LRMDA: variants seen among roughly 807,000 people sequenced by gnomAD.
The protein encoded by LRMDA is leucine rich melanocyte differentiation associated.
LRMDA carries 18 observed loss-of-function variants against 29.8 expected under a neutral mutation model. The ratio of observed to expected loss-of-function variants is 0.60; its 90% CI spans 0.42 to 0.90. The LOEUF (loss-of-function observed/expected upper bound fraction) is 0.90, where lower values mean the gene tolerates loss of function less well. Among genes scored for constraint, LRMDA ranks in the 40% least tolerant of loss-of-function variants. The pLI is 0.00. For missense variants in LRMDA, 273 were observed against 273.9 expected (o/e 1.00, Z 0.02); for synonymous variants, 125 against 109.4 (o/e 1.14, Z -0.89).
chr10:76,038,184 G>A (rs1374705482), intron 3 of LRMDA, among the ~76,000 whole-genome samples: 2 of 152,204 alleles, frequency 1.3e-5, no homozygotes, highest in Non-Finnish European at 2.9e-5. Flanking sequence ...ATATTTAGCG[G>A]TGTGACCTTG....
intron 6 of LRMDA, among the ~76,000 whole-genome samples, chr10:76,352,824 G>A (rs1280016852): frequency 1.3e-5 from 2 of 152,046 alleles, no homozygotes; most frequent in East Asian, 1.9e-4. Flanking sequence ...CAGGGACAGG[G>A]GAGGTGGAAG....
At chr10:76,352,389 T>C (rs1338182132) in intron 6 of LRMDA, among the ~76,000 whole-genome samples, 1 of 152,004 alleles carries the variant, frequency 6.6e-6, no homozygotes, top group Non-Finnish European at 1.5e-5. Context: ...TTAAGTAAAA[T>C]AGGGTTACTT....
At chr10:76,268,901 C>T (rs1840036214) in intron 5 of LRMDA, among the ~76,000 whole-genome samples, 2 of 152,090 alleles carry the variant, frequency 1.3e-5, no homozygotes, top group African/African-American at 4.8e-5. Flanking sequence ...GGTTTCATTG[C>T]CAGCCACAGC....
intron 2 of LRMDA, among the ~76,000 whole-genome samples, chr10:75,503,796 G>T (rs1279449371): frequency 6.6e-6 from 1 of 151,978 alleles, no homozygotes; most frequent in Non-Finnish European, 1.5e-5. Context: ...GTCTTTATGG[G>T]GGAAGAACCT....
chr10:75,980,123 G>GT (rs754154115), intron 2 of LRMDA, among the ~76,000 whole-genome samples: 3 of 152,172 alleles, frequency 2.0e-5, no homozygotes, highest in Admixed American at 1.3e-4. Context: ...TGGACTTGAG[G>GT]TCTTCACTCA....
chr10:75,520,703 C>A (rs770208950), intron 2 of LRMDA, among the ~76,000 whole-genome samples: 3 of 152,212 alleles, frequency 2.0e-5, no homozygotes. Context: ...AAGTCATTCT[C>A]CGTCCTGCTT....
chr10:76,523,480 G>C (rs115329909), intron 6 of LRMDA, among the ~76,000 whole-genome samples: 1 of 152,130 alleles, frequency 6.6e-6, no homozygotes, highest in South Asian at 2.1e-4. Context: ...TGGAGAGAGA[G>C]TTGGTTCAAA....
At chr10:76,463,143 T>G (rs898686458) in intron 6 of LRMDA, among the ~76,000 whole-genome samples, 3 of 152,150 alleles carry the variant, frequency 2.0e-5, no homozygotes, top group Non-Finnish European at 4.4e-5. Context: ...CTGCCCTTCT[T>G]TGATCAGCAC....
intron 2 of LRMDA, among the ~76,000 whole-genome samples, chr10:75,981,225 C>A (rs1364888819): frequency 2.0e-5 from 3 of 152,098 alleles, no homozygotes; most frequent in African/African-American, 7.2e-5. Flanking sequence ...TGCTGGTTTG[C>A]TTTTTAGACA....
chr10:75,973,977 C>T (rs937308270), intron 2 of LRMDA, among the ~76,000 whole-genome samples: 29 of 152,168 alleles, frequency 1.9e-4, no homozygotes, highest in African/African-American at 7.0e-4. Context: ...ACCTATTGGT[C>T]TGAGCTCTCC....
intron 5 of LRMDA, among the ~76,000 whole-genome samples, chr10:76,095,422 G>A (rs1849297887): frequency 6.6e-6 from 1 of 152,208 alleles, no homozygotes; most frequent in Admixed American, 6.5e-5. Context: ...TATGAATAAA[G>A]CTGCTATTAA....
intron 2 of LRMDA, among the ~76,000 whole-genome samples, chr10:75,992,184 C>T (rs894524558): frequency 1.1e-4 from 17 of 152,088 alleles, no homozygotes; most frequent in Non-Finnish European, 2.4e-4. Flanking sequence ...CACAAGCTAG[C>T]AAGTCTCAAA....
At chr10:75,607,823 G>GT (rs1840974658) in intron 2 of LRMDA, among the ~76,000 whole-genome samples, 3 of 125,578 alleles carry the variant, frequency 2.4e-5, no homozygotes, top group African/African-American at 9.7e-5. Flanking sequence ...TTGATTCAGT[G>GT]GTTTTTTTTT....
chr10:76,165,869 CACAA>C (rs1252296626), intron 5 of LRMDA, among the ~76,000 whole-genome samples: 4 of 152,252 alleles, frequency 2.6e-5, no homozygotes, highest in African/African-American at 7.2e-5. Flanking sequence ...TGGGTGGGAA[CACAA>C]ACAAACCATA....
At chr10:75,984,909 G>A (rs1847237850) in intron 2 of LRMDA, among the ~76,000 whole-genome samples, 1 of 152,224 alleles carries the variant, frequency 6.6e-6, no homozygotes, top group African/African-American at 2.4e-5. Flanking sequence ...AAGTGTCCAA[G>A]TCCAAGGCCT....
chr10:76,057,482 A>G (rs1042778198), intron 4 of LRMDA, among the ~76,000 whole-genome samples: 2 of 152,232 alleles, frequency 1.3e-5, no homozygotes, highest in African/African-American at 4.8e-5. Flanking sequence ...CAAGAAGCTT[A>G]CAGTTTGGGT....
intron 2 of LRMDA, among the ~76,000 whole-genome samples, chr10:75,983,262 A>G (rs546070474): frequency 2.0e-5 from 3 of 152,374 alleles, no homozygotes; most frequent in Admixed American, 6.5e-5. Context: ...AGCAGGAACA[A>G]GGAAAGGGCT....
In LRMDA at chr10:76,533,560, G is replaced by A. The variant is rs377637714; in HGVS notation, c.602-23649G>A. ...AAACTCATTGCTTTAATTAATTAACGGAGGCTCTTTGGAAGTTAGGGTCAT... is the reference window on the plus strand; with the variant it reads ...AAACTCATTGCTTTAATTAATTAACAGAGGCTCTTTGGAAGTTAGGGTCAT... On this transcript the variant is annotated intron_variant, in intron 6 of 6. Coordinates refer to ENST00000611255, the MANE Select transcript of LRMDA (RefSeq NM_001305581.2). 7.4e-4 allele frequency among the ~76,000 whole-genome samples: 112 copies of A among 152,212 alleles called. No individual in the cohort carries two copies. In the South Asian group the frequency reaches 0.01, roughly 14 times the overall value.
At chr10:76,087,313 A>C (rs1849153325) in intron 5 of LRMDA, among the ~76,000 whole-genome samples, 1 of 152,194 alleles carries the variant, frequency 6.6e-6, no homozygotes, top group African/African-American at 2.4e-5. Flanking sequence ...AGGTTTTGCC[A>C]CTTACTTGTT....
Sources: gnomAD v4.1 joint callset for allele counts (sites outside exome capture counted in the v4.1 genomes callset) on GRCh38, gnomAD v4.1.1 for gene constraint, MANE v1.5 for transcripts, NCBI Gene and HGNC (gene_info 2026-07-23, HGNC 2026-07-21) for gene names.